Variants in CNTN5 observed in about 807,000 individuals in gnomAD.
The protein encoded by CNTN5 is contactin-5.
CNTN5 carries 77 observed loss-of-function variants against 129.1 expected under a neutral mutation model. The ratio of observed to expected loss-of-function variants is 0.60; its 90% CI spans 0.50 to 0.72. The LOEUF (loss-of-function observed/expected upper bound fraction) is 0.72. CNTN5 is among the 30% of genes least tolerant of loss of function. CNTN5 has a pLI of 0.00. For synonymous variants in CNTN5, 509 were observed against 465.6 expected, an observed-to-expected ratio of 1.09 and a Z score of -1.20; for missense variants, 1,478 against 1,328.8, an observed-to-expected ratio of 1.11 and a Z score of -1.75.
intron 16 of CNTN5, among the ~76,000 whole-genome samples, chr11:100,236,586 C>T (rs768957082): frequency 6.6e-6 from 1 of 152,110 alleles, no homozygotes; most frequent in South Asian, 2.1e-4. Context: ...GTTTTTCTCC[C>T]ATTTCACTTT....
intron 3 of CNTN5, among the ~76,000 whole-genome samples, chr11:99,685,264 A>T (rs2134742193): frequency 6.6e-6 from 1 of 151,704 alleles, no homozygotes; most frequent in South Asian, 2.1e-4. Context: ...CATTGTTTTA[A>T]TCTATTGTTA....
At chr11:99,969,438 T>TA (rs1409408216) in intron 8 of CNTN5, among the ~76,000 whole-genome samples, 1 of 152,174 alleles carries the variant, frequency 6.6e-6, no homozygotes, top group African/African-American at 2.4e-5. Context: ...TATATTCACT[T>TA]ACGTTTATCT....
At chr11:100,219,278 T>A (rs116818722) in intron 15 of CNTN5, among the ~76,000 whole-genome samples, 1 of 152,174 alleles carries the variant, frequency 6.6e-6, no homozygotes, top group South Asian at 2.1e-4. Context: ...ACAGCACAAA[T>A]GAATACCTTT....
intron 13 of CNTN5, among the ~76,000 whole-genome samples, chr11:100,104,752 C>T (rs768430406): frequency 1.3e-5 from 2 of 152,102 alleles, no homozygotes; most frequent in Non-Finnish European, 2.9e-5. Flanking sequence ...TTTGACCCCT[C>T]CATTCTTAGT....
intron 2 of CNTN5, among the ~76,000 whole-genome samples, chr11:99,467,731 A>G (rs1176395423): frequency 6.6e-6 from 1 of 152,152 alleles, no homozygotes; most frequent in Non-Finnish European, 1.5e-5. Flanking sequence ...ACTAAAGTTA[A>G]TTATTTTCTC....
At chr11:100,178,377 C>T (rs1398607704) in intron 13 of CNTN5, among the ~76,000 whole-genome samples, 2 of 152,124 alleles carry the variant, frequency 1.3e-5, no homozygotes, top group Non-Finnish European at 2.9e-5. Context: ...CCTGTTCATT[C>T]TTTCAAATCT....
chr11:99,967,663 A>G (rs1379630903), intron 8 of CNTN5, among the ~76,000 whole-genome samples: 1 of 152,156 alleles, frequency 6.6e-6, no homozygotes, highest in Non-Finnish European at 1.5e-5. Context: ...AAACAGCAGA[A>G]TTTATTGAAC....
At chr11:100,286,012 C>A (rs1025255974) in intron 18 of CNTN5, among the ~76,000 whole-genome samples, 1 of 152,206 alleles carries the variant, frequency 6.6e-6, no homozygotes, top group African/African-American at 2.4e-5. Context: ...CCTGGAAAAT[C>A]GGGTCACTCC....
chr11:99,717,861 AC>A (rs1943031494), intron 3 of CNTN5, among the ~76,000 whole-genome samples: 1 of 152,108 alleles, frequency 6.6e-6, no homozygotes, highest in Admixed American at 6.6e-5. Context: ...CACAATTAAA[AC>A]CTTATTATTC....
intron 3 of CNTN5, among the ~76,000 whole-genome samples, chr11:99,568,217 G>A (rs1949068997): frequency 6.6e-6 from 1 of 152,034 alleles, no homozygotes; most frequent in Non-Finnish European, 1.5e-5. Flanking sequence ...TCTTTAAACT[G>A]GACTAACCCT....
intron 13 of CNTN5, among the ~76,000 whole-genome samples, chr11:100,088,811 G>A (rs2123325): frequency 0.78 from 118,921 of 152,032 alleles, 47,197 homozygotes; most frequent in East Asian, 1. Context: ...AAACATACAA[G>A]AAAGAGCTGA....
chr11:100,074,945 A>T (rs1333139065), intron 13 of CNTN5, among the ~76,000 whole-genome samples: 1 of 152,144 alleles, frequency 6.6e-6, no homozygotes, highest in Non-Finnish European at 1.5e-5. Context: ...CAAATGTTCC[A>T]TGTCCTACTA....
At chr11:99,305,938 G>A (rs979377824) in intron 1 of CNTN5, among the ~76,000 whole-genome samples, 7 of 151,646 alleles carry the variant, frequency 4.6e-5, no homozygotes, top group East Asian at 1.9e-4. Context: ...CCGAGATCTC[G>A]TCTCTGCACT....
At chr11:100,124,400 T>C (rs1946119759) in intron 13 of CNTN5, among the ~76,000 whole-genome samples, 1 of 151,950 alleles carries the variant, frequency 6.6e-6, no homozygotes, top group Non-Finnish European at 1.5e-5. Context: ...TAAATGTGTA[T>C]CAAGAAAATT....
chr11:100,095,513 C>T (rs968858573), intron 13 of CNTN5, among the ~76,000 whole-genome samples: 2 of 152,074 alleles, frequency 1.3e-5, no homozygotes, highest in African/African-American at 4.8e-5. Flanking sequence ...TCCATGCCAT[C>T]TGTGCAAATA....
chr11:99,068,330 A>C (rs1865188719), intron 1 of CNTN5, among the ~76,000 whole-genome samples: 1 of 152,344 alleles, frequency 6.6e-6, no homozygotes, highest in East Asian at 1.9e-4. Flanking sequence ...CATGGGATAT[A>C]GGATAGGAGT....
At chr11:99,022,815 A>T (rs1221402589) in intron 1 of CNTN5, among the ~76,000 whole-genome samples, 2 of 152,184 alleles carry the variant, frequency 1.3e-5, no homozygotes, top group Non-Finnish European at 2.9e-5. Context: ...TGAAATGATT[A>T]TTACAAGTGC....
At chr11:99,411,371 T>C (rs1448719969) in intron 2 of CNTN5, among the ~76,000 whole-genome samples, 1 of 151,722 alleles carries the variant, frequency 6.6e-6, no homozygotes, top group East Asian at 1.9e-4. Flanking sequence ...AATATGAAAA[T>C]TATATGGGTG....
At chr11:99,034,111 G>A (rs1377995246) in intron 1 of CNTN5, among the ~76,000 whole-genome samples, 1 of 152,178 alleles carries the variant, frequency 6.6e-6, no homozygotes, top group African/African-American at 2.4e-5. Context: ...GCATCCCAAG[G>A]ATGAAGCCCA....
Sources: allele counts gnomAD v4.1 joint callset (sites outside exome capture counted in the v4.1 genomes callset), GRCh38; gene constraint gnomAD v4.1.1; transcripts MANE v1.5; gene names NCBI Gene and HGNC (gene_info 2026-07-23, HGNC 2026-07-21).